Variants in ME3 observed in about 807,000 individuals in gnomAD.
The protein encoded by ME3 is malic enzyme 3.
ME3 carries 48 observed loss-of-function variants against 68.9 expected under a neutral mutation model. That is an observed-to-expected ratio of 0.70 (90% CI 0.55 to 0.89). The LOEUF is 0.89. Among genes scored for constraint, ME3 ranks in the 40% least tolerant of loss-of-function variants. The probability of loss-of-function intolerance (pLI) is 0.00; values close to 1 mark genes in which losing one functional copy is unlikely to be tolerated. For missense variants in ME3, 675 were observed against 797.4 expected (o/e 0.85, Z 1.85); for synonymous variants, 320 against 318.8 (o/e 1.00, Z -0.04).
At chr11:86,660,589 G>A (rs1002379103) in intron 2 of ME3, among the ~76,000 whole-genome samples, 2 of 152,142 alleles carry the variant, frequency 1.3e-5, no homozygotes, top group Non-Finnish European at 2.9e-5. Context: ...TAATTCCCTC[G>A]ATTTTTAGCC....
rs1025177646 is a variant in ME3 at position 86,595,119 on chromosome 11, A to C, written c.184-35296T>G. On this transcript the variant is annotated intron_variant, in intron 2 of 14. Coordinates refer to ENST00000543262, the Ensembl canonical transcript of ME3. ...TTTAGAGGATGTTGAGGACTTTGAC[A>C]AGGGCTAATAATAAGAAAAAGGGGA... is the stretch of plus-strand genomic sequence containing the variant. 2.8e-5 allele frequency among the ~76,000 whole-genome samples: 4 copies of C among 145,212 alleles called. 1 individual carries two copies. The highest frequency in any genetic ancestry group is 7.6e-5 in the African/African-American group (3 of 39,234).
At chr11:86,574,405 G>T (rs923908989) in intron 2 of ME3, among the ~76,000 whole-genome samples, 25 of 149,086 alleles carry the variant, frequency 1.7e-4, no homozygotes, top group South Asian at 4.4e-4. Flanking sequence ...GCCGGGGGGG[G>T]GGGGGGTGTC....
At chr11:86,524,600 G>C (rs1954588823) in intron 4 of ME3, among the ~76,000 whole-genome samples, 1 of 152,206 alleles carries the variant, frequency 6.6e-6, no homozygotes, top group South Asian at 2.1e-4. Flanking sequence ...GTCCTATCCT[G>C]AAGTAATTTG....
intron 2 of ME3, among the ~76,000 whole-genome samples, chr11:86,637,349 C>CAAAAAAAAAAAAAAAAAAGAAAA (rs11402713): frequency 8.2e-6 from 1 of 122,080 alleles, no homozygotes; most frequent in Non-Finnish European, 1.7e-5. Context: ...ACAAGAAGCA[C>CAAAAAAAAAAAAAAAAAAGAAAA]AAAAAAAAAA....
At chr11:86,630,907 G>A (rs1253245188) in intron 2 of ME3, among the ~76,000 whole-genome samples, 4 of 152,236 alleles carry the variant, frequency 2.6e-5, no homozygotes, top group African/African-American at 9.6e-5. Flanking sequence ...GAGGAAACCT[G>A]GAAAGGAGCA....
At chr11:86,630,473 T>C (rs1943944182) in intron 2 of ME3, among the ~76,000 whole-genome samples, 1 of 152,208 alleles carries the variant, frequency 6.6e-6, no homozygotes, top group African/African-American at 2.4e-5. Context: ...GCACCGGGAA[T>C]GTGTTCCTGG....
intron 2 of ME3, among the ~76,000 whole-genome samples, chr11:86,640,835 T>C (rs1234122922): frequency 6.6e-6 from 1 of 152,158 alleles, no homozygotes; most frequent in Non-Finnish European, 1.5e-5. Flanking sequence ...AATTCAGTGT[T>C]TCCCCATTGA....
exon 11 of ME3, chr11:86,448,237 G>A: frequency 6.2e-7 from 1 of 1,614,066 alleles, no homozygotes; most frequent in Non-Finnish European, 8.5e-7. Flanking sequence ...TCCTTTTCAT[G>A]GTTCAGGTGG....
chr11:86,528,052 C>A (rs968588422), intron 4 of ME3, among the ~76,000 whole-genome samples: 1 of 152,170 alleles, frequency 6.6e-6, no homozygotes, highest in Admixed American at 6.6e-5. Flanking sequence ...TTAAAAGACA[C>A]AGATTGGCAA....
At chr11:86,602,237 A>T (rs539539715) in intron 2 of ME3, among the ~76,000 whole-genome samples, 2 of 148,856 alleles carry the variant, frequency 1.3e-5, no homozygotes, top group Non-Finnish European at 3.0e-5. Context: ...CCTTAAGCTG[A>T]TAGGCAACTT....
chr11:86,650,542 T>G (rs902568574), intron 2 of ME3, among the ~76,000 whole-genome samples: 3 of 151,894 alleles, frequency 2.0e-5, no homozygotes, highest in Non-Finnish European at 4.4e-5. Flanking sequence ...TGGGAGAAAA[T>G]TTTTGCTATC....
intron 2 of ME3, among the ~76,000 whole-genome samples, chr11:86,659,104 T>C (rs1012761334): frequency 3.3e-5 from 5 of 152,058 alleles, no homozygotes; most frequent in African/African-American, 1.2e-4. Context: ...TGCAAAGAAA[T>C]ACATAAAATT....
At chr11:86,618,433 G>A (rs1250673777) in intron 2 of ME3, among the ~76,000 whole-genome samples, 1 of 151,082 alleles carries the variant, frequency 6.6e-6, no homozygotes, top group African/African-American at 2.4e-5. Context: ...CTAATACAAG[G>A]ATTAAATGAG....
intron 13 of ME3, 146 bp from the exon 14 acceptor site, chr11:86,443,065 C>G: frequency 1.6e-6 from 1 of 609,874 alleles, no homozygotes; most frequent in South Asian, 2.1e-5. Context: ...ACCAGGGAAG[C>G]TTAATGCTTG....
chr11:86,623,475 A>T (rs1943472747), intron 2 of ME3, among the ~76,000 whole-genome samples: 1 of 151,894 alleles, frequency 6.6e-6, no homozygotes, highest in Admixed American at 6.6e-5. Context: ...CTCCTCTTAC[A>T]TATCTGTATA....
At chr11:86,649,516 G>A (rs1945256081) in intron 2 of ME3, among the ~76,000 whole-genome samples, 1 of 152,224 alleles carries the variant, frequency 6.6e-6, no homozygotes, top group Non-Finnish European at 1.5e-5. Context: ...AAGAGAGGAA[G>A]TCGGATTGTC....
intron 4 of ME3, among the ~76,000 whole-genome samples, chr11:86,528,875 A>C (rs1033109558): frequency 3.5e-4 from 53 of 152,314 alleles, no homozygotes; most frequent in African/African-American, 1.2e-3. Flanking sequence ...AGGGAAATTT[A>C]TAGCACTAAA....
intron 2 of ME3, among the ~76,000 whole-genome samples, chr11:86,560,770 A>ATATATATATATT (rs1405684410): frequency 6.8e-5 from 9 of 132,096 alleles, no homozygotes; most frequent in Non-Finnish European, 1.3e-4. Context: ...ATATATATAT[A>ATATATATATATT]TATTTCCAGG....
intron 2 of ME3, among the ~76,000 whole-genome samples, chr11:86,584,709 C>T (rs1958633175): frequency 1.3e-5 from 2 of 152,156 alleles, no homozygotes; most frequent in African/African-American, 4.8e-5. Flanking sequence ...ACAAATACTG[C>T]CTGATTCCAC....
Sources: gnomAD v4.1 joint callset for allele counts (sites outside exome capture counted in the v4.1 genomes callset) on GRCh38, gnomAD v4.1.1 for gene constraint, MANE v1.5 for transcripts, NCBI Gene and HGNC (gene_info 2026-07-23, HGNC 2026-07-21) for gene names.